LRRFIP1: variants seen among roughly 807,000 people sequenced by gnomAD.
The protein encoded by LRRFIP1 is LRR binding FLII interacting protein 1.
LRRFIP1 carries 62 observed loss-of-function variants against 104.4 expected under a neutral mutation model. The ratio of observed to expected loss-of-function variants is 0.59; its 90% CI spans 0.48 to 0.73. The LOEUF (loss-of-function observed/expected upper bound fraction) is 0.73, where lower values mean the gene tolerates loss of function less well. LRRFIP1 is among the 30% of genes least tolerant of loss of function. The pLI is 0.00. For missense variants in LRRFIP1, 796 were observed against 824.5 expected, an observed-to-expected ratio of 0.97 and a Z score of 0.42; for synonymous variants, 300 against 299.0, an observed-to-expected ratio of 1.00 and a Z score of -0.03.
At chr2:237,648,900 T>A (rs2149375856) in intron 1 of LRRFIP1, among the ~76,000 whole-genome samples, 1 of 152,054 alleles carries the variant, frequency 6.6e-6, no homozygotes, top group South Asian at 2.1e-4. Flanking sequence ...AAGCCTCCCA[T>A]CTTTTCAGGA....
intron 1 of LRRFIP1, 82 bp downstream of exon 1, chr2:237,627,822 C>T: frequency 1.1e-6 from 1 of 908,092 alleles, no homozygotes; most frequent in Non-Finnish European, 1.4e-6. Context: ...CGGCGTCCGT[C>T]TGTCCCGCTG....
chr2:237,749,321 C>A lies in LRRFIP1; in HGVS notation c.792C>A (p.Ile264=), dbSNP rs967171715. The A allele has an allele frequency of 8.1e-6, 13 of 1,613,460 alleles. No individual in the cohort carries two copies. Among genetic ancestry groups the A allele is most frequent in the Non-Finnish European group, 1.1e-5 (13 of 1,179,914 alleles). The change falls in exon 13 of 24, where the codon ATC becomes ATA. Residue 264 remains isoleucine, a synonymous_variant. Coordinates refer to ENST00000308482, the MANE Select transcript of LRRFIP1 (RefSeq NM_001137550.2). Reference sequence around the variant, plus strand: ...ACACCGAGGCATCCATCAGGGAAATCAAGGTGAGATGCTCTCTTCTTACTG... The same window carrying A: ...ACACCGAGGCATCCATCAGGGAAATAAAGGTGAGATGCTCTCTTCTTACTG... The part of the protein sequence containing the change: ...SIDTEASIRE[I]KELNELKDQI...
At chr2:237,741,015 C>T (rs2095400790) in intron 11 of LRRFIP1, among the ~76,000 whole-genome samples, 1 of 152,236 alleles carries the variant, frequency 6.6e-6, no homozygotes, top group Non-Finnish European at 1.5e-5. Context: ...GACACCCACT[C>T]TTGTCACACA....
At chr2:237,718,341 T>C (rs145805765) in intron 4 of LRRFIP1, among the ~76,000 whole-genome samples, 3 of 152,364 alleles carry the variant, frequency 2.0e-5, no homozygotes, top group Non-Finnish European at 4.4e-5. Flanking sequence ...TTGTCCGCTG[T>C]GCCTGCCGAA....
intron 2 of LRRFIP1, among the ~76,000 whole-genome samples, chr2:237,713,142 G>A (rs115055149): frequency 1.0e-3 from 158 of 152,036 alleles, no homozygotes; most frequent in African/African-American, 3.3e-3. Context: ...AGCATGGAGC[G>A]TGTACGGAGA....
intron 1 of LRRFIP1, among the ~76,000 whole-genome samples, chr2:237,685,764 C>T (rs1000335189): frequency 6.6e-6 from 1 of 152,222 alleles, no homozygotes; most frequent in African/African-American, 2.4e-5. Flanking sequence ...TCCAGACAGG[C>T]TCACATCTCT....
chr2:237,705,244 G>T lies in LRRFIP1; in HGVS notation c.97-3300G>T, dbSNP rs182968651. ...CTCAGCTCACAGAGATACTCGCCCT[G>T]TGAGAGCAGGAGTCACCTCAGACCT... On this transcript the variant is annotated intron_variant, in intron 1 of 23. Transcript: ENST00000308482. 4.5e-3 allele frequency among the ~76,000 whole-genome samples: 678 copies of T among 152,356 alleles called. 8 individuals are homozygous for T. The highest frequency in any genetic ancestry group is 4.4e-3 in the Non-Finnish European group (302 of 68,036).
In LRRFIP1 at chr2:237,772,441, A is replaced by G. The variant is rs1351381775; in HGVS notation, c.1627+243A>G. 1.7e-5 allele frequency: 8 copies of G among 484,386 alleles called. No homozygotes were observed. In the East Asian group the frequency reaches 2.3e-4, roughly 14 times the overall value. 30.0% of individuals were successfully genotyped at this position (484,386 alleles called of 1,614,324 possible). ...CAAGATACCACCACATGTTGTGCCG[A>G]TGGAAACCACATTTACTTTGCTGGA... is the stretch of plus-strand genomic sequence containing the variant. On this transcript the variant is annotated intron_variant, in intron 21 of 23. Transcript: ENST00000308482.
chr2:237,708,335 A>G (rs1175011336), intron 1 of LRRFIP1, among the ~76,000 whole-genome samples: 5 of 152,252 alleles, frequency 3.3e-5, no homozygotes, highest in African/African-American at 1.2e-4. Context: ...ATTCCTGCCT[A>G]GCATGTGGTA....
At chr2:237,763,365 A>G (rs768729218) in intron 19 of LRRFIP1, 4 of 1,614,030 alleles carry the variant, frequency 2.5e-6, no homozygotes, top group Admixed American at 1.7e-5. Context: ...AAAGAGCCCG[A>G]TGAAGAAAAG....
chr2:237,776,359 A>C (rs1161661437), intron 23 of LRRFIP1, among the ~76,000 whole-genome samples: 1 of 152,246 alleles, frequency 6.6e-6, no homozygotes, highest in Non-Finnish European at 1.5e-5. Context: ...GGCCTGATAC[A>C]TGATTCACTT....
chr2:237,758,820 A>C lies in LRRFIP1; in HGVS notation c.1316A>C (p.Lys439Thr). The C allele has an allele frequency of 6.2e-7, 1 of 1,607,540 alleles. No individual in the cohort carries two copies. The highest frequency in any genetic ancestry group is 8.5e-7 in the Non-Finnish European group (1 of 1,176,650). ...EEVVMLKEEL[K>T]KHGIILNSEI... ...GTAGTCATGCTGAAAGAGGAATTAA[A>C]GGTATGAAGCCAAACTACAGTTTTA... The change falls in exon 18 of 24, where the codon AAG becomes ACG. Residue 439 changes from lysine to threonine, a missense_variant and splice_region_variant. Coordinates refer to ENST00000308482, the MANE Select transcript of LRRFIP1 (RefSeq NM_001137550.2).
Position 237,766,584 on chromosome 2 carries a change from C to T in LRRFIP1, c.1460-3359C>T, listed in dbSNP as rs1019311002. ...CACATCCCTCAGCTCAGCCATCCAG[C>T]CGTCTCAGTGATTCACCACTCATTT... On this transcript the variant is annotated intron_variant, in intron 19 of 23. Transcript: ENST00000308482. This position sits in a 1 kb window ranked among gnomAD's most constrained non-coding sequence, Gnocchi z 4.8. Among the ~76,000 whole-genome samples, 5 of 152,306 alleles carry T rather than the reference C, an allele frequency of 3.3e-5. No homozygotes were observed. The highest frequency in any genetic ancestry group is 1.2e-4 in the African/African-American group (5 of 41,568).
intron 19 of LRRFIP1, among the ~76,000 whole-genome samples, chr2:237,761,218 C>T (rs1051666579): frequency 2.6e-5 from 4 of 152,172 alleles, no homozygotes; most frequent in African/African-American, 4.8e-5. Context: ...AAACACAGCT[C>T]TTTTCAATTG....
At chr2:237,707,652 G>A (rs1367751363) in intron 1 of LRRFIP1, among the ~76,000 whole-genome samples, 1 of 152,128 alleles carries the variant, frequency 6.6e-6, no homozygotes, top group Non-Finnish European at 1.5e-5. Flanking sequence ...CGGGGCTGTG[G>A]TATCACATGA....
chr2:237,706,529 G>A (rs1408875411), intron 1 of LRRFIP1, among the ~76,000 whole-genome samples: 1 of 152,216 alleles, frequency 6.6e-6, no homozygotes, highest in Non-Finnish European at 1.5e-5. Context: ...ACTTGGCGTG[G>A]CCTTGGTCAC....
chr2:237,664,954 G>A (rs536356711), intron 1 of LRRFIP1, among the ~76,000 whole-genome samples: 1 of 152,296 alleles, frequency 6.6e-6, no homozygotes, highest in East Asian at 1.9e-4. Context: ...AAAACTCAAT[G>A]TAGGGTTTTC....
intron 1 of LRRFIP1, among the ~76,000 whole-genome samples, chr2:237,660,591 C>G (rs74001224): frequency 0.036 from 5,468 of 152,310 alleles, 344 homozygotes; most frequent in African/African-American, 0.12. Context: ...GGGAATTTAT[C>G]TTGCACCTCT....
chr2:237,691,930 A>C lies in LRRFIP1; in HGVS notation c.97-16614A>C, dbSNP rs1575518833. 1.6e-5 allele frequency among the ~76,000 whole-genome samples: 2 copies of C among 122,570 alleles called. No homozygotes were observed. Among genetic ancestry groups the C allele is most frequent in the East Asian group, 5.5e-4 (2 of 3,642 alleles). 80.4% of individuals were successfully genotyped at this position (122,570 alleles called of 152,430 possible). A position where few individuals can be genotyped will look rare whatever the true frequency, so the allele number is the denominator to read the frequency against. ...CGGGGGGCGGGGCGGGGCTCGCGTT[A>C]AGGGAGCGCGGAAGGGCGGGACAGG... On this transcript the variant is annotated intron_variant, in intron 1 of 23. Coordinates refer to ENST00000308482, the MANE Select transcript of LRRFIP1 (RefSeq NM_001137550.2). The surrounding 1 kb of genome is among the most constrained non-coding windows in gnomAD (Gnocchi z 5.4).
Sources: allele counts gnomAD v4.1 joint callset (sites outside exome capture counted in the v4.1 genomes callset), GRCh38; gene constraint gnomAD v4.1.1; non-coding constraint Gnocchi (gnomAD v3.1); transcripts MANE v1.5; gene names NCBI Gene and HGNC (gene_info 2026-07-23, HGNC 2026-07-21).